Variants in KIAA0513 observed in about 807,000 individuals in gnomAD.
KIAA0513 encodes KIAA0513, also known as uncharacterized protein KIAA0513.
In KIAA0513, 39 loss-of-function variants were observed where a neutral mutation model predicts 56.5. The ratio of observed to expected loss-of-function variants is 0.69; its 90% CI spans 0.53 to 0.90. The LOEUF (loss-of-function observed/expected upper bound fraction) is 0.90. Among genes scored for constraint, KIAA0513 ranks in the 40% least tolerant of loss-of-function variants. The pLI, the probability that KIAA0513 is intolerant of heterozygous loss-of-function variation, is 0.00. For missense variants in KIAA0513, 591 were observed against 535.2 expected, an observed-to-expected ratio of 1.10 and a Z score of -1.03; for synonymous variants, 268 against 215.6, an observed-to-expected ratio of 1.24 and a Z score of -2.13.
chr16:85,033,567 C>T (rs1009016226), intron 1 of KIAA0513, among the ~76,000 whole-genome samples: 10 of 152,066 alleles, frequency 6.6e-5, no homozygotes, highest in Admixed American at 5.2e-4. Flanking sequence ...GGGCTGTTCA[C>T]GAAGGCCTCC....
At chr16:85,071,177 A>G (rs1365569751) in intron 2 of KIAA0513, among the ~76,000 whole-genome samples, 1 of 151,942 alleles carries the variant, frequency 6.6e-6, no homozygotes, top group Non-Finnish European at 1.5e-5. Flanking sequence ...TGGCGACACC[A>G]AGATGGAGGT....
intron 7 of KIAA0513, 137 bp downstream of exon 7, chr16:85,078,592 T>C: frequency 2.5e-6 from 2 of 785,690 alleles, no homozygotes; most frequent in South Asian, 1.6e-5. Flanking sequence ...CCCCAGTTGC[T>C]TCCCAGCTCC....
chr16:85,039,879 GGCTGGAGT>G (rs1308980435), intron 1 of KIAA0513, among the ~76,000 whole-genome samples: 1 of 151,480 alleles, frequency 6.6e-6, no homozygotes, highest in Non-Finnish European at 1.5e-5. Context: ...CTGTCACCCA[GGCTGGAGT>G]GCAGTGGCAC....
chr16:85,090,662 C>T lies in KIAA0513; in HGVS notation c.*2337C>T, dbSNP rs1168420071. 6.6e-6 allele frequency: 1 copy of T among 152,180 alleles called. No homozygotes were observed. Among genetic ancestry groups the T allele is most frequent in the East Asian group, 1.9e-4 (1 of 5,202 alleles). 9.4% of individuals were successfully genotyped at this position (152,180 alleles called of 1,614,324 possible). A position where few individuals can be genotyped will look rare whatever the true frequency, so the allele number is the denominator to read the frequency against. ...TTACTACCTGTTCTTGTAGATCTAG[C>T]TCCTCAGAGTTGGAGGAAGGCTGAC... On this transcript the variant is annotated 3_prime_UTR_variant, in exon 13 of 13. Coordinates refer to ENST00000683363, the MANE Select transcript of KIAA0513 (RefSeq NM_001388359.1).
chr16:85,064,754 C>G (rs916559478), intron 1 of KIAA0513, among the ~76,000 whole-genome samples: 6 of 152,062 alleles, frequency 3.9e-5, no homozygotes, highest in Admixed American at 3.9e-4. Context: ...GGCACCATCT[C>G]GGGTCACTGC....
chr16:85,055,637 G>A (rs972019609), intron 1 of KIAA0513, among the ~76,000 whole-genome samples: 2 of 152,156 alleles, frequency 1.3e-5, no homozygotes, highest in African/African-American at 4.8e-5. Flanking sequence ...GCAGAGTGTC[G>A]TGTTGGTAGC....
At chr16:85,077,705 C>A in intron 6 of KIAA0513, 73 bp downstream of exon 6, 1 of 1,123,902 alleles carries the variant, frequency 8.9e-7, no homozygotes, top group Non-Finnish European at 1.3e-6. Flanking sequence ...CGGACGGGGG[C>A]AGCAGGGAGG....
At chr16:85,046,526 A>G (rs1043386121) in intron 1 of KIAA0513, among the ~76,000 whole-genome samples, 2 of 152,072 alleles carry the variant, frequency 1.3e-5, no homozygotes, top group Non-Finnish European at 2.9e-5. Context: ...CATGTTCCTC[A>G]TTCTCACAAG....
At chr16:85,037,457 A>G (rs1046514871) in intron 1 of KIAA0513, among the ~76,000 whole-genome samples, 4 of 152,192 alleles carry the variant, frequency 2.6e-5, no homozygotes, top group African/African-American at 9.6e-5. Context: ...ATTCTGAGTG[A>G]ATAGTAAGTA....
chr16:85,071,739 A>AG (rs762021576), intron 2 of KIAA0513, 44 bp from the exon 3 acceptor site: 2 of 1,359,154 alleles, frequency 1.5e-6, no homozygotes, highest in East Asian at 2.4e-5. Context: ...GGGATTGAAA[A>AG]GGGTTTTTTT....
chr16:85,053,298 C>T (rs971515159), intron 1 of KIAA0513, among the ~76,000 whole-genome samples: 1 of 152,356 alleles, frequency 6.6e-6, no homozygotes, highest in East Asian at 1.9e-4. Flanking sequence ...AGGAAACACC[C>T]AGCGAATGAA....
In KIAA0513 at chr16:85,081,606, G is replaced by C. The variant is rs1285465775; in HGVS notation, c.980+214G>C. Among the ~76,000 whole-genome samples, 9 of 152,072 alleles carry C rather than the reference G, an allele frequency of 5.9e-5. No individual in the cohort carries two copies. ...GCTTGCATGAGCGCTTTCTGTCCTG[G>C]GGCTCTGGCATGACTTGGCCTGACC... On this transcript the variant is annotated intron_variant, in intron 9 of 12. Coordinates refer to ENST00000683363, the MANE Select transcript of KIAA0513 (RefSeq NM_001388359.1). The surrounding 1 kb of genome is among the most constrained non-coding windows in gnomAD (Gnocchi z 4.4).
At chr16:85,049,592 C>G (rs1322740046) in intron 1 of KIAA0513, among the ~76,000 whole-genome samples, 1 of 152,100 alleles carries the variant, frequency 6.6e-6, no homozygotes, top group African/African-American at 2.4e-5. Context: ...CGTGTGGCAC[C>G]TCCCCTCATT....
rs377578854 is a variant in KIAA0513, at chr16:85,077,403, C to T, written c.575-22C>T. The T allele has an allele frequency of 7.4e-6, 12 of 1,612,494 alleles. No homozygotes were observed. The African/African-American group carries it at 1.5e-4, about 20-fold the overall frequency. ...CATACCCCAGCCTCACTGGCCTCGT[C>T]TTGTTCCCTCTCTCATCCAAGGAAA... On this transcript the variant is annotated intron_variant, in intron 5 of 12. Coordinates refer to ENST00000683363, the MANE Select transcript of KIAA0513 (RefSeq NM_001388359.1).
chr16:85,071,106 C>G (rs575306938), intron 2 of KIAA0513, among the ~76,000 whole-genome samples: 58 of 150,640 alleles, frequency 3.9e-4, no homozygotes, highest in Admixed American at 6.0e-4. Flanking sequence ...AGTGTTGGCC[C>G]CTTGCAAAGA....
At chr16:85,065,836 C>G (rs759980862) in intron 1 of KIAA0513, among the ~76,000 whole-genome samples, 1 of 152,208 alleles carries the variant, frequency 6.6e-6, no homozygotes, top group Admixed American at 6.5e-5. Context: ...TCTAAACCAG[C>G]AGTCAGGAGA....
chr16:85,086,878 C>A, intron 11 of KIAA0513, 154 bp downstream of exon 11: 1 of 844,530 alleles, frequency 1.2e-6, no homozygotes, highest in South Asian at 1.7e-5. Context: ...ATAATTAATC[C>A]GCCTCCTACA....
intron 2 of KIAA0513, among the ~76,000 whole-genome samples, chr16:85,068,539 A>C (rs1322957735): frequency 1.3e-5 from 2 of 151,266 alleles, no homozygotes; most frequent in Non-Finnish European, 2.9e-5. Context: ...TCACCATGTT[A>C]GCCAGGATGG....
chr16:85,074,246 A>T, intron 4 of KIAA0513, among the ~76,000 whole-genome samples: 1 of 151,864 alleles, frequency 6.6e-6, no homozygotes, highest in Non-Finnish European at 1.5e-5. Flanking sequence ...AAGTGCTGGG[A>T]TTACAGGAGT....
Sources: gnomAD v4.1 joint callset for allele counts (sites outside exome capture counted in the v4.1 genomes callset) on GRCh38, gnomAD v4.1.1 for gene constraint, Gnocchi (gnomAD v3.1) non-coding constraint, MANE v1.5 for transcripts, NCBI Gene and HGNC (gene_info 2026-07-23, HGNC 2026-07-21) for gene names.